The following LCP2 variants were observed in gnomAD, a reference collection of about 807,000 sequenced individuals.
The protein encoded by LCP2 is 76 kDa tyrosine phosphoprotein.
Under a neutral mutation model 74.5 loss-of-function variants are expected in LCP2, and 29 were observed. The observed-to-expected ratio is 0.39, with a 90% CI of 0.29 to 0.53. LCP2 has a LOEUF of 0.53. LCP2 is among the 20% of genes least tolerant of loss of function. LCP2 has a pLI of 0.72. For synonymous variants in LCP2, 228 were observed against 229.5 expected (o/e 0.99, Z 0.06); for missense variants, 604 against 634.6 (o/e 0.95, Z 0.52).
Position 170,297,684 on chromosome 5 carries a change from A to T in LCP2, c.-73T>A. The T allele has an allele frequency of 7.5e-7, 1 of 1,331,904 alleles. No homozygotes were observed. Among genetic ancestry groups the T allele is most frequent in the Non-Finnish European group, 1.0e-6 (1 of 958,754 alleles). 82.5% of individuals were successfully genotyped at this position (1,331,904 alleles called of 1,614,324 possible). On this transcript the variant is annotated 5_prime_UTR_variant, in exon 1 of 21. Coordinates refer to ENST00000046794, the MANE Select transcript of LCP2 (RefSeq NM_005565.5). The stretch of plus-strand genomic sequence containing the variant: ...CCCATGGGCAGAGAAGCTCAAATCC[A>T]GAGCTCGGAGGCGTTCTTGGCTCTT...
intron 10 of LCP2, among the ~76,000 whole-genome samples, chr5:170,265,125 C>A (rs1761728190): frequency 6.6e-6 from 1 of 151,816 alleles, no homozygotes; most frequent in South Asian, 2.1e-4. Context: ...GTAGCTGGGA[C>A]TGCAGGTGCC....
intron 7 of LCP2, among the ~76,000 whole-genome samples, chr5:170,269,078 C>A (rs952097139): frequency 6.6e-6 from 1 of 152,216 alleles, no homozygotes; most frequent in Non-Finnish European, 1.5e-5. Context: ...TCCTCCCTGA[C>A]ACTTCCTCAT....
intron 3 of LCP2, among the ~76,000 whole-genome samples, chr5:170,278,993 T>C (rs1254217137): frequency 6.6e-6 from 1 of 152,124 alleles, no homozygotes; most frequent in East Asian, 1.9e-4. Flanking sequence ...AGGTGGTTGC[T>C]ATGGCTATTG....
intron 3 of LCP2, among the ~76,000 whole-genome samples, chr5:170,276,721 T>C (rs574398856): frequency 6.6e-6 from 1 of 152,222 alleles, no homozygotes; most frequent in African/African-American, 2.4e-5. Context: ...CAGCCCCACT[T>C]AGTACCCACT....
Position 170,273,954 on chromosome 5 carries a change from G to A in LCP2, c.324+347C>T, listed in dbSNP as rs533960095. ...AGTGGGTGGGGGTTGGTAACAGTGG[G>A]TGAAGTGCAGTCAGCAAAGTACAGC... On this transcript the variant is annotated intron_variant, in intron 6 of 20. Coordinates refer to ENST00000046794, the MANE Select transcript of LCP2 (RefSeq NM_005565.5). 6.0e-5 allele frequency: 14 copies of A among 235,100 alleles called. No individual in the cohort carries two copies. In the East Asian group the frequency reaches 1.4e-3, roughly 23 times the overall value. 14.6% of individuals were successfully genotyped at this position (235,100 alleles called of 1,614,324 possible).
intron 7 of LCP2, 42 bp from the exon 8 acceptor site, chr5:170,268,524 G>T (rs760161562): frequency 2.2e-5 from 5 of 223,662 alleles, no homozygotes; most frequent in South Asian, 2.1e-4. Context: ...GGGAGTATCG[G>T]CCAAGCTCAG....
chr5:170,257,985 G>C, intron 16 of LCP2, 52 bp downstream of exon 16: 1 of 1,586,158 alleles, frequency 6.3e-7, no homozygotes, highest in Non-Finnish European at 8.7e-7. Context: ...CTTCAGTACT[G>C]GATGGACCTA....
intron 1 of LCP2, among the ~76,000 whole-genome samples, chr5:170,293,805 T>G (rs1581078796): frequency 6.6e-6 from 1 of 152,240 alleles, no homozygotes. Context: ...TTATTCTGAC[T>G]TTTTTCTCTT....
intron 10 of LCP2, among the ~76,000 whole-genome samples, chr5:170,263,549 T>C (rs2113168484): frequency 6.6e-6 from 1 of 152,328 alleles, no homozygotes; most frequent in South Asian, 2.1e-4. Context: ...TGTCTGCTTG[T>C]TTTTAGTTAG....
chr5:170,261,192 C>T (rs1349245901), intron 13 of LCP2, 55 bp from the exon 14 acceptor site: 4 of 1,351,318 alleles, frequency 3.0e-6, no homozygotes, highest in African/African-American at 2.9e-5. Flanking sequence ...TTCAAAGAGC[C>T]AGCCTTAGAA....
At chr5:170,271,664 A>T (rs1232572764) in intron 6 of LCP2, among the ~76,000 whole-genome samples, 5 of 151,998 alleles carry the variant, frequency 3.3e-5, no homozygotes, top group Non-Finnish European at 1.5e-5. Flanking sequence ...CAGTCCATGA[A>T]GGTGAATGAG....
At chr5:170,275,193 C>T in intron 5 of LCP2, 127 bp downstream of exon 5, 2 of 1,005,722 alleles carry the variant, frequency 2.0e-6, no homozygotes, top group Non-Finnish European at 3.1e-6. Context: ...TGGGTAAGAA[C>T]TGGCTGACAG....
At chr5:170,287,350 C>T (rs1265507498) in intron 3 of LCP2, among the ~76,000 whole-genome samples, 1 of 152,218 alleles carries the variant, frequency 6.6e-6, no homozygotes, top group Non-Finnish European at 1.5e-5. Flanking sequence ...CCATTTATAG[C>T]ACCTGCCTGG....
chr5:170,285,259 T>C (rs1048617842), intron 3 of LCP2, among the ~76,000 whole-genome samples: 4 of 152,240 alleles, frequency 2.6e-5, no homozygotes, highest in Non-Finnish European at 4.4e-5. Context: ...GAATTTCTTA[T>C]GCCCAAATTT....
chr5:170,271,407 A>G (rs949942926), intron 6 of LCP2, among the ~76,000 whole-genome samples: 2 of 152,110 alleles, frequency 1.3e-5, no homozygotes, highest in African/African-American at 4.8e-5. Flanking sequence ...AAACAGATAA[A>G]CAAAGCCTGT....
At chr5:170,275,180 T>C in intron 5 of LCP2, 140 bp downstream of exon 5, 2 of 887,728 alleles carry the variant, frequency 2.3e-6, no homozygotes, top group South Asian at 1.5e-5. Flanking sequence ...CCAAACCCTT[T>C]TCTGGGTAAG....
intron 2 of LCP2, among the ~76,000 whole-genome samples, chr5:170,289,615 CTT>C (rs148656925): frequency 0.02 from 2,535 of 124,732 alleles, 66 homozygotes; most frequent in African/African-American, 0.063. Context: ...TTCTTTCTTT[CTT>C]TTTCTTTCTT....
intron 17 of LCP2, among the ~76,000 whole-genome samples, chr5:170,254,374 C>T (rs146895670): frequency 7.9e-5 from 12 of 152,318 alleles, no homozygotes; most frequent in Non-Finnish European, 1.8e-4. Flanking sequence ...CCTTGTTACA[C>T]CACTGAGGAG....
intron 10 of LCP2, among the ~76,000 whole-genome samples, chr5:170,266,101 T>A (rs1761750094): frequency 6.6e-6 from 1 of 152,210 alleles, no homozygotes; most frequent in Non-Finnish European, 1.5e-5. Context: ...GTATTTGTGG[T>A]AGGTAGAGCA....
Sources: gnomAD v4.1 joint callset for allele counts (sites outside exome capture counted in the v4.1 genomes callset) on GRCh38, gnomAD v4.1.1 for gene constraint, MANE v1.5 for transcripts, NCBI Gene and HGNC (gene_info 2026-07-23, HGNC 2026-07-21) for gene names.